ARSG: variants seen among roughly 807,000 people sequenced by gnomAD.
ARSG encodes ASG.
In ARSG, 37 loss-of-function variants were observed where a neutral mutation model predicts 50.5. The observed-to-expected ratio is 0.73, with a 90% CI of 0.56 to 0.96. The LOEUF is 0.96. Among genes scored for constraint, ARSG ranks in the 50% least tolerant of loss-of-function variants. The probability of loss-of-function intolerance (pLI) is 0.00; values close to 1 mark genes in which losing one functional copy is unlikely to be tolerated. For missense variants in ARSG, 629 were observed against 675.3 expected (o/e 0.93, Z 0.76); for synonymous variants, 225 against 254.6 (o/e 0.88, Z 1.11).
chr17:68,362,941 G>A (rs1338872719), intron 6 of ARSG, among the ~76,000 whole-genome samples: 1 of 152,094 alleles, frequency 6.6e-6, no homozygotes, highest in Non-Finnish European at 1.5e-5. Context: ...AATATTTAAT[G>A]AATGAATGAA....
chr17:68,323,112 A>AT (rs140032466), intron 2 of ARSG, among the ~76,000 whole-genome samples: 3,052 of 149,280 alleles, frequency 0.02, 93 homozygotes, highest in African/African-American at 0.07. Flanking sequence ...AGAACTGGTT[A>AT]TTTTTTTTTT....
At chr17:68,413,022 C>A (rs1381923558) in intron 11 of ARSG, among the ~76,000 whole-genome samples, 1 of 151,154 alleles carries the variant, frequency 6.6e-6, no homozygotes, top group Non-Finnish European at 1.5e-5. Flanking sequence ...ATACATTCTT[C>A]TAAATTTTTT....
chr17:68,435,900 G>C, the ARSG span, among the ~76,000 whole-genome samples: 40 of 152,316 alleles, frequency 2.6e-4, no homozygotes, highest in Admixed American at 1.6e-3. Context: ...GGCTTCAAGG[G>C]CCACTCCATT....
At chr17:68,377,892 A>G (rs928730037) in intron 8 of ARSG, among the ~76,000 whole-genome samples, 4 of 152,190 alleles carry the variant, frequency 2.6e-5, no homozygotes, top group African/African-American at 9.6e-5. Flanking sequence ...CAGCACTTGA[A>G]TTCATGATCG....
At position 68,271,009 on chromosome 17, in the gene ARSG, C is replaced by A; in HGVS notation, c.-552+11583C>A. 6.2e-7 allele frequency: 1 copy of A among 1,614,106 alleles called. No individual in the cohort carries two copies. Among genetic ancestry groups the A allele is most frequent in the South Asian group, 1.1e-5 (1 of 91,082 alleles). The stretch of plus-strand genomic sequence containing the variant: ...AAAAAATATGCTGCATGACATTAGA[C>A]CCCAGAATTCAGTAGCAAAAGTAAA... On this transcript the variant is annotated intron_variant, in intron 1 of 11. Transcript: ENST00000448504. This position sits in a 1 kb window ranked among gnomAD's most constrained non-coding sequence, Gnocchi z 5.3.
intron 5 of ARSG, among the ~76,000 whole-genome samples, chr17:68,352,142 G>GAGAGGAGA (rs1258816991): frequency 4.8e-5 from 4 of 84,060 alleles, no homozygotes; most frequent in African/African-American, 1.4e-4. Context: ...GAGAGACAGA[G>GAGAGGAGA]GAGAGAGAGA....
chr17:68,447,373 T>A, the ARSG span, among the ~76,000 whole-genome samples: 1 of 152,202 alleles, frequency 6.6e-6, no homozygotes, highest in Non-Finnish European at 1.5e-5. Context: ...TCTTCTTTTT[T>A]AAATTTTTAA....
At chr17:68,342,755 C>A (rs552931459) in intron 2 of ARSG, among the ~76,000 whole-genome samples, 1 of 152,272 alleles carries the variant, frequency 6.6e-6, no homozygotes, top group Non-Finnish European at 1.5e-5. Flanking sequence ...GGCCATTTTC[C>A]ACAGTGAAAC....
the ARSG span, among the ~76,000 whole-genome samples, chr17:68,438,674 C>T: frequency 5.9e-5 from 9 of 152,356 alleles, no homozygotes; most frequent in African/African-American, 2.2e-4. Flanking sequence ...GATCTTGGCT[C>T]ACTGCAACCT....
At chr17:68,421,596 AG>A (rs2082778537), downstream of ARSG, 4 of 777,750 alleles carry the variant, frequency 5.1e-6, no homozygotes, top group East Asian at 1.0e-4. Context: ...ATTGGCAACC[AG>A]GGTCGTGGGA....
Position 68,401,450 on chromosome 17 carries a change from G to A in ARSG, c.1303G>A (p.Gly435Ser), listed in dbSNP as rs547697367. ...GCGTTACAAGGCCTTCTACATTACC[G>A]GTGAGTGAGGGGCCACTTAGCCCTG... ...LERYKAFYIT[G>S]GARACDGSTG... Residue 435 changes from glycine to serine, a missense_variant and splice_region_variant, in exon 11 of 12, where the codon GGT becomes AGT. Physicochemically the swap from Gly to Ser is moderately conservative, Grantham distance 56. Coordinates refer to ENST00000621439, the MANE Select transcript of ARSG (RefSeq NM_001267727.2). 338 of 1,613,488 alleles carry A rather than the reference G, an allele frequency of 2.1e-4. 4 individuals are homozygous for A. The South Asian group carries it at 3.2e-3, about 15-fold the overall frequency.
chr17:68,444,915 CTTTTTTT>C, the ARSG span, among the ~76,000 whole-genome samples: 84 of 89,094 alleles, frequency 9.4e-4, no homozygotes, highest in African/African-American at 3.9e-3. Flanking sequence ...ATCCTGAACA[CTTTTTTT>C]TTTTTTTTTT....
chr17:68,274,184 G>C, intron 1 of ARSG: 1 of 1,179,926 alleles, frequency 8.5e-7, no homozygotes, highest in African/African-American at 1.5e-5. Context: ...ATATAAATAT[G>C]GCCGAGCGCA....
intron 11 of ARSG, among the ~76,000 whole-genome samples, chr17:68,419,192 C>T (rs1039320303): frequency 6.6e-6 from 1 of 152,042 alleles, no homozygotes; most frequent in Admixed American, 6.6e-5. Context: ...CTTGATTCAC[C>T]AATTGGTAGT....
At chr17:68,290,175 A>G (rs2075938095), upstream of ARSG, among the ~76,000 whole-genome samples, 1 of 152,222 alleles carries the variant, frequency 6.6e-6, no homozygotes, top group Non-Finnish European at 1.5e-5. Context: ...CTAACCGTGC[A>G]AACAAAACCG....
intron 3 of ARSG, 64 bp downstream of exon 3, chr17:68,343,855 T>G: frequency 1.4e-6 from 2 of 1,473,932 alleles, no homozygotes; most frequent in African/African-American, 1.4e-5. Context: ...TGTTTGCAAA[T>G]TCCCAACATA....
At chr17:68,393,177 C>T (rs369988412) in intron 9 of ARSG, among the ~76,000 whole-genome samples, 2 of 152,204 alleles carry the variant, frequency 1.3e-5, no homozygotes, top group South Asian at 2.1e-4. Flanking sequence ...CCTTTATCCA[C>T]GGTTTCACTT....
At chr17:68,299,546 G>A (rs1555760720) in intron 1 of ARSG, among the ~76,000 whole-genome samples, 1 of 151,824 alleles carries the variant, frequency 6.6e-6, no homozygotes, top group African/African-American at 2.4e-5. Context: ...CAGTTTACCA[G>A]GAAAACGGGT....
chr17:68,314,155 C>A (rs970207199), intron 2 of ARSG, among the ~76,000 whole-genome samples: 1 of 152,132 alleles, frequency 6.6e-6, no homozygotes, highest in Admixed American at 6.5e-5. Context: ...TGCATCATCC[C>A]CTGGAGTTTT....
Sources: gnomAD v4.1 joint callset for allele counts (sites outside exome capture counted in the v4.1 genomes callset) on GRCh38, gnomAD v4.1.1 for gene constraint, Gnocchi (gnomAD v3.1) non-coding constraint, MANE v1.5 for transcripts, NCBI Gene and HGNC (gene_info 2026-07-23, HGNC 2026-07-21) for gene names.